The following TPST1 variants were observed in gnomAD, a reference collection of about 807,000 sequenced individuals.
The protein encoded by TPST1 is protein-tyrosine sulfotransferase 1.
TPST1 carries 20 observed loss-of-function variants against 34.8 expected under a neutral mutation model. The ratio of observed to expected loss-of-function variants is 0.57; its 90% CI spans 0.40 to 0.84. TPST1 has a LOEUF of 0.84. TPST1 is among the 40% of genes least tolerant of loss of function. The pLI, the probability that TPST1 is intolerant of heterozygous loss-of-function variation, is 0.00. For synonymous variants in TPST1, 152 were observed against 159.4 expected (o/e 0.95, Z 0.35); for missense variants, 353 against 455.5 (o/e 0.78, Z 2.05).
intron 3 of TPST1, among the ~76,000 whole-genome samples, chr7:66,336,717 A>G (rs1016257927): frequency 4.6e-5 from 7 of 152,228 alleles, no homozygotes; most frequent in African/African-American, 1.2e-4. Flanking sequence ...TCCCAAATCT[A>G]GAGAAAGATG....
chr7:66,302,103 T>A (rs998653364), intron 3 of TPST1, among the ~76,000 whole-genome samples: 11 of 152,234 alleles, frequency 7.2e-5, no homozygotes, highest in African/African-American at 2.4e-4. Context: ...TTTGTTTTAT[T>A]TTTGTTAAAG....
intron 1 of TPST1, among the ~76,000 whole-genome samples, chr7:66,226,617 A>C (rs187119979): frequency 6.6e-6 from 1 of 152,292 alleles, no homozygotes; most frequent in Non-Finnish European, 1.5e-5. Flanking sequence ...GTATTCAGAT[A>C]TCTTGAAGGG....
At chr7:66,307,243 G>C (rs2116089722) in intron 3 of TPST1, among the ~76,000 whole-genome samples, 1 of 151,798 alleles carries the variant, frequency 6.6e-6, no homozygotes, top group South Asian at 2.1e-4. Context: ...TCAGCCTCCT[G>C]AGTAGCTGGG....
chr7:66,319,977 C>G (rs555583723), intron 3 of TPST1, among the ~76,000 whole-genome samples: 1 of 152,282 alleles, frequency 6.6e-6, no homozygotes, highest in East Asian at 1.9e-4. Flanking sequence ...TAATCTCTGT[C>G]CTGAATCAAA....
At chr7:66,216,053 C>T (rs1277641042) in intron 1 of TPST1, among the ~76,000 whole-genome samples, 3 of 152,056 alleles carry the variant, frequency 2.0e-5, no homozygotes, top group South Asian at 2.1e-4. Flanking sequence ...TGTGAGCCAC[C>T]GCGCCCGGCC....
chr7:66,261,703 G>C (rs777590596), intron 2 of TPST1, among the ~76,000 whole-genome samples: 1 of 152,120 alleles, frequency 6.6e-6, no homozygotes, highest in Non-Finnish European at 1.5e-5. Context: ...ATTGGGTTCA[G>C]ATCTTGGCTT....
chr7:66,356,733 T>C, intron 4 of TPST1, 92 bp from the exon 5 acceptor site: 1 of 1,464,024 alleles, frequency 6.8e-7, no homozygotes, highest in Non-Finnish European at 9.5e-7. Context: ...GAACAGAGCC[T>C]GCGGGCCACC....
At chr7:66,326,328 C>T (rs1791866222) in intron 3 of TPST1, among the ~76,000 whole-genome samples, 1 of 152,086 alleles carries the variant, frequency 6.6e-6, no homozygotes, top group Admixed American at 6.6e-5. Flanking sequence ...ATTCAGAATG[C>T]CCTGTGAGCT....
At chr7:66,336,439 C>A (rs1792123392) in intron 3 of TPST1, among the ~76,000 whole-genome samples, 1 of 152,048 alleles carries the variant, frequency 6.6e-6, no homozygotes, top group Non-Finnish European at 1.5e-5. Flanking sequence ...AAATAGAAAT[C>A]CTATCTATAA....
At chr7:66,281,913 C>G (rs1790940171) in intron 2 of TPST1, among the ~76,000 whole-genome samples, 1 of 152,186 alleles carries the variant, frequency 6.6e-6, no homozygotes, top group Admixed American at 6.5e-5. Flanking sequence ...GGCATAGACC[C>G]CATTCCTTGA....
rs150684977 is a variant in TPST1 at position 66,294,719 on chromosome 7, T to C, written c.1044+8010T>C. On this transcript the variant is annotated intron_variant, in intron 3 of 5. Coordinates refer to ENST00000304842, the MANE Select transcript of TPST1 (RefSeq NM_003596.4). ...GTTCCCACCTAGACACATACACATA[T>C]TATTCTTTTTTATTTTCTTATTTAT... 3.1e-4 allele frequency among the ~76,000 whole-genome samples: 47 copies of C among 152,084 alleles called. 1 individual carries two copies. The East Asian group carries it at 8.7e-3, about 28-fold the overall frequency.
intron 3 of TPST1, among the ~76,000 whole-genome samples, chr7:66,321,230 T>A (rs972818493): frequency 2.6e-5 from 4 of 152,240 alleles, no homozygotes; most frequent in African/African-American, 9.6e-5. Context: ...AGGACATGTT[T>A]CATTTCCCCA....
intron 3 of TPST1, among the ~76,000 whole-genome samples, chr7:66,309,973 T>C (rs1226698549): frequency 6.6e-6 from 1 of 151,868 alleles, no homozygotes. Context: ...ACAGAAAGAA[T>C]AGGGGCTTGG....
chr7:66,208,836 A>G (rs532372016), intron 1 of TPST1, among the ~76,000 whole-genome samples: 6 of 152,302 alleles, frequency 3.9e-5, no homozygotes, highest in African/African-American at 1.4e-4. Context: ...ACCCTTTAAG[A>G]GAAAGAGTTG....
the TPST1 span, among the ~76,000 whole-genome samples, chr7:66,199,937 G>T: frequency 3.3e-5 from 5 of 151,924 alleles, no homozygotes; most frequent in Admixed American, 3.3e-4. Context: ...TCACCATGCT[G>T]GCCAGGATGG....
intron 1 of TPST1, among the ~76,000 whole-genome samples, chr7:66,232,492 C>T (rs2116353448): frequency 6.6e-6 from 1 of 152,174 alleles, no homozygotes; most frequent in East Asian, 1.9e-4. Context: ...CCTGCCTCAG[C>T]CTCCCGAGTA....
Position 66,240,723 on chromosome 7 carries a change from G to A in TPST1, c.298G>A (p.Glu100Lys). The A allele has an allele frequency of 6.2e-7, 1 of 1,614,192 alleles. No individual in the cohort carries two copies. The highest frequency in any genetic ancestry group is 1.1e-5 in the South Asian group (1 of 91,082). Residue 100 changes from glutamate to lysine, a missense_variant, in exon 2 of 6, where the codon GAA becomes AAA. Transcript: ENST00000304842. ...ACATCCTGACATTCGCTGTGGAGAG[G>A]AAACCAGGGTCATTCCCCGAATCCT... ...DAHPDIRCGE[E>K]TRVIPRILAL...
At chr7:66,235,178 G>A (rs903702386) in intron 1 of TPST1, among the ~76,000 whole-genome samples, 1 of 146,710 alleles carries the variant, frequency 6.8e-6, no homozygotes, top group Non-Finnish European at 1.5e-5. Context: ...GCAATGTTCT[G>A]CATAGATTTT....
chr7:66,273,742 A>ACC, intron 2 of TPST1, among the ~76,000 whole-genome samples: 1 of 152,146 alleles, frequency 6.6e-6, no homozygotes. Flanking sequence ...TTAGACTCTT[A>ACC]CCTCACATCA....
Sources: gnomAD v4.1 joint callset for allele counts (sites outside exome capture counted in the v4.1 genomes callset) on GRCh38, gnomAD v4.1.1 for gene constraint, MANE v1.5 for transcripts, NCBI Gene and HGNC (gene_info 2026-07-23, HGNC 2026-07-21) for gene names.